Variants in DVL1 observed in about 807,000 individuals in gnomAD.
The protein encoded by DVL1 is segment polarity protein dishevelled homolog DVL-1.
Under a neutral mutation model 65.0 loss-of-function variants are expected in DVL1, and 49 were observed. That is an observed-to-expected ratio of 0.75 (90% CI 0.60 to 0.96). The LOEUF (loss-of-function observed/expected upper bound fraction) is 0.96, where lower values mean the gene tolerates loss of function less well. Among genes scored for constraint, DVL1 ranks in the 40% least tolerant of loss-of-function variants. The pLI, the probability that DVL1 is intolerant of heterozygous loss-of-function variation, is 0.00. For missense variants in DVL1, 1,197 were observed against 1,045.4 expected (o/e 1.15, Z -2.00); for synonymous variants, 608 against 433.9 (o/e 1.40, Z -4.99).
In DVL1 at chr1:1,336,499, C is replaced by T; in HGVS notation, c.1731G>A (p.Gly577=). Reference sequence around the variant, plus strand: ...GGGCCCGGCGGCTGCTCCGGGTGGACCCACTGCTTTTGCTCCCTGGGAGTG... The same window carrying T: ...GGGCCCGGCGGCTGCTCCGGGTGGATCCACTGCTTTTGCTCCCTGGGAGTG... The part of the protein sequence containing the change: ...SQQSEGSKSS[G]STRSSRRAPG... Residue 577 remains glycine, a synonymous_variant, in exon 15 of 15, where the codon GGG becomes GGA. Coordinates refer to ENST00000378888, the MANE Select transcript of DVL1 (RefSeq NM_001330311.2). 1 of 1,523,788 alleles carries T rather than the reference C, an allele frequency of 6.6e-7. No individual in the cohort carries two copies. Among genetic ancestry groups the T allele is most frequent in the South Asian group, 1.3e-5 (1 of 79,076 alleles). The allele number at this position is 1,523,788 out of a possible 1,614,324, so 94.4% of individuals were successfully genotyped here.
chr1:1,336,938 G>A, intron 14 of DVL1: 1 of 933,292 alleles, frequency 1.1e-6, no homozygotes, highest in Non-Finnish European at 1.3e-6. Flanking sequence ...CCTGTCCTGG[G>A]CTCCCAAGAC....
Position 1,340,083 on chromosome 1 carries a change from A to G in DVL1, c.864T>C (p.Ala288=). ...GCTCGATGCGGCCGTCAGCGGCCAC[A>G]GCCCCGCCCTTCATGATGGAGCCAA... ...IYIGSIMKGG[A]VAADGRIEPG... The change falls in exon 8 of 15, where the codon GCT becomes GCC. Residue 288 remains alanine, a synonymous_variant. Coordinates refer to ENST00000378888, the MANE Select transcript of DVL1 (RefSeq NM_001330311.2). The G allele has an allele frequency of 5.6e-6, 9 of 1,613,096 alleles. No homozygotes were observed. Among genetic ancestry groups the G allele is most frequent in the Non-Finnish European group, 7.6e-6 (9 of 1,179,954 alleles).
Position 1,338,305 on chromosome 1 carries a change from C to T in DVL1, c.1471G>A (p.Glu491Lys), listed in dbSNP as rs368887966. ...TCCCCGAAGACGTAGTAGCACTGCT[C>T]GGAGAAGGTGATCTTGTTGACCGTG... ...RHTVNKITFS[E>K]QCYYVFGDLC... Residue 491 changes from glutamate to lysine, a missense_variant, in exon 13 of 15, where the codon GAG (glutamate) becomes AAG (lysine). By Grantham distance (56) the Glu-to-Lys change is moderately conservative (BLOSUM62 1). Coordinates refer to ENST00000378888, the MANE Select transcript of DVL1 (RefSeq NM_001330311.2). 3 of 1,609,806 alleles carry T rather than the reference C, an allele frequency of 1.9e-6. No homozygotes were observed. Among genetic ancestry groups the T allele is most frequent in the South Asian group, 1.1e-5 (1 of 90,932 alleles).
At chr1:1,339,841 G>C (rs1477837338) in intron 8 of DVL1, 29 bp from the exon 9 acceptor site, 1 of 1,566,540 alleles carries the variant, frequency 6.4e-7, no homozygotes, top group East Asian at 2.3e-5. Flanking sequence ...GGGTGGTGCA[G>C]GCAGGATGTG....
At chr1:1,345,244 C>G (rs992401568) in intron 1 of DVL1, among the ~76,000 whole-genome samples, 1 of 152,198 alleles carries the variant, frequency 6.6e-6, no homozygotes, top group Non-Finnish European at 1.5e-5. Context: ...CCTACTCACT[C>G]CGCCCTCTTC....
At position 1,340,137 on chromosome 1, in the gene DVL1, G is replaced by T; in HGVS notation, c.810C>A (p.Ser270Arg). ...AGATGCCGCCGTCTCCACGGTCGTT[G>T]CTCTGCCCCACGATGCTGATGCCCA... ...HFLGISIVGQ[S>R]NDRGDGGIYI... The change falls in exon 8 of 15, where the codon AGC becomes AGA. Residue 270 changes from serine (S) to arginine (R), a missense_variant. Physicochemically the swap from Ser to Arg is moderately radical, Grantham distance 110 (BLOSUM62 -1). Coordinates refer to ENST00000378888, the MANE Select transcript of DVL1 (RefSeq NM_001330311.2). The T allele has an allele frequency of 6.2e-7, 1 of 1,613,624 alleles. No homozygotes were observed.
In DVL1 at chr1:1,335,790, C is replaced by T; in HGVS notation, c.*352G>A. ...GGGCCTGTGCACCGCAGGGGGTTGC[C>T]CCGCATGGACCACCCTGGGGGCCTG... On this transcript the variant is annotated 3_prime_UTR_variant, in exon 15 of 15. Transcript: ENST00000378888. 1 of 319,624 alleles carries T rather than the reference C, an allele frequency of 3.1e-6. No individual in the cohort carries two copies. Among genetic ancestry groups the T allele is most frequent in the Non-Finnish European group, 5.8e-6 (1 of 171,008 alleles). The allele number at this position is 319,624 out of a possible 1,614,324, so 19.8% of individuals were successfully genotyped here. A position where few individuals can be genotyped will look rare whatever the true frequency, so the allele number is the denominator to read the frequency against.
In DVL1 at chr1:1,336,226, G is replaced by A. The variant is rs531416128; in HGVS notation, c.2004C>T (p.Ala668=). The change falls in exon 15 of 15, where the codon GCC becomes GCT. Residue 668 remains alanine, a synonymous_variant. Coordinates refer to ENST00000378888, the MANE Select transcript of DVL1 (RefSeq NM_001330311.2). ...PGGPPVRELA[A]VPPELTGSRQ... ...GGCTGCCTGTCAATTCCGGGGGGAC[G>A]GCAGCCAGCTCCCGGACAGGGGGTC... 249 of 1,557,890 alleles carry A rather than the reference G, an allele frequency of 1.6e-4. No homozygotes were observed. Among genetic ancestry groups the A allele is most frequent in the Middle Eastern group, 3.3e-4 (2 of 6,030 alleles).
intron 5 of DVL1, among the ~76,000 whole-genome samples, 178 bp from the exon 6 acceptor site, chr1:1,340,681 G>A (rs1168659297): frequency 6.6e-6 from 1 of 152,084 alleles, no homozygotes; most frequent in African/African-American, 2.4e-5. Flanking sequence ...GAGCACACAC[G>A]AAAATCCCAG....
intron 1 of DVL1, among the ~76,000 whole-genome samples, chr1:1,343,810 C>T (rs1217256344): frequency 6.6e-6 from 1 of 152,204 alleles, no homozygotes; most frequent in African/African-American, 2.4e-5. Flanking sequence ...ACAAAGACCT[C>T]CACTCACCAA....
In DVL1 at chr1:1,336,172, G is replaced by A. The variant is rs1643563849; in HGVS notation, c.2058C>T (p.Asn686=). 1.3e-6 allele frequency: 2 copies of A among 1,574,216 alleles called. No individual in the cohort carries two copies. The highest frequency in any genetic ancestry group is 1.7e-6 in the Non-Finnish European group (2 of 1,166,036). The change falls in exon 15 of 15, where the codon AAC becomes AAT. Residue 686 remains asparagine, a synonymous_variant. Transcript: ENST00000378888. ...TGATGTCCACGAAGAACTCGCAGGG[G>A]TTCCCCATAGCCTTCTGGAAGGACT... ...SRQSFQKAMG[N]PCEFFVDIM
chr1:1,347,298 G>C (rs978655809), intron 1 of DVL1, among the ~76,000 whole-genome samples: 1 of 152,058 alleles, frequency 6.6e-6, no homozygotes, highest in Non-Finnish European at 1.5e-5. Context: ...TTTCCTGGCC[G>C]CATCCCCAAG....
At chr1:1,340,640 GC>G in intron 5 of DVL1, 137 bp from the exon 6 acceptor site, 1 of 874,980 alleles carries the variant, frequency 1.1e-6, no homozygotes, top group Non-Finnish European at 1.8e-6. Flanking sequence ...TGACGTCCAC[GC>G]CCCAGGCCCT....
At chr1:1,336,647 A>C in intron 14 of DVL1, 132 bp from the exon 15 acceptor site, 3 of 1,235,326 alleles carry the variant, frequency 2.4e-6, no homozygotes, top group Non-Finnish European at 3.2e-6. Flanking sequence ...GCAGCCATGC[A>C]GGCGCGAGGA....
In DVL1 at chr1:1,349,111, G is replaced by A. The variant is rs1489744485; in HGVS notation, c.-46C>T. On this transcript the variant is annotated 5_prime_UTR_variant, in exon 1 of 15. Coordinates refer to ENST00000378888, the MANE Select transcript of DVL1 (RefSeq NM_001330311.2). The surrounding 1 kb of genome is among the most constrained non-coding windows in gnomAD (Gnocchi z 4.1). ...CCCGCGCGCTCAGGGCCCGGCCCGG[G>A]GCTCGGACGCGGGGCGCTACCCGCC... 2 of 1,119,932 alleles carry A rather than the reference G, an allele frequency of 1.8e-6. No homozygotes were observed. Among genetic ancestry groups the A allele is most frequent in the Non-Finnish European group, 2.2e-6 (2 of 906,224 alleles). The allele number at this position is 1,119,932 out of a possible 1,614,324, so 69.4% of individuals were successfully genotyped here. A position where few individuals can be genotyped will look rare whatever the true frequency, so the allele number is the denominator to read the frequency against.
chr1:1,335,775 AC>A lies in DVL1; in HGVS notation c.*366del. On this transcript the variant is annotated 3_prime_UTR_variant, in exon 15 of 15. Transcript: ENST00000378888. ...CCTACTCCAGACAGGGGGCCTGTGC[AC>A]CGCAGGGGGTTGCCCCGCATGGACC... 3.9e-6 allele frequency: 1 copy of A among 256,014 alleles called. No homozygotes were observed. Among genetic ancestry groups the A allele is most frequent in the Admixed American group, 5.0e-5 (1 of 19,936 alleles). The allele number at this position is 256,014 out of a possible 1,614,324, so 15.9% of individuals were successfully genotyped here. A position where few individuals can be genotyped will look rare whatever the true frequency, so the allele number is the denominator to read the frequency against.
chr1:1,338,451 C>CG lies in DVL1; in HGVS notation c.1340-16dup. 6.2e-7 allele frequency: 1 copy of CG among 1,608,540 alleles called. No individual in the cohort carries two copies. The highest frequency in any genetic ancestry group is 8.5e-7 in the Non-Finnish European group (1 of 1,176,930). ...CACGTCCGCCCCTGGCCGGCACCAG[C>CG]GGTCAGCCCGCAGCCTCGAGGCAAG... On this transcript the variant is annotated splice_polypyrimidine_tract_variant and intron_variant, in intron 12 of 14. Transcript: ENST00000378888.
chr1:1,339,331 C>T lies in DVL1; in HGVS notation c.1163G>A (p.Arg388His), dbSNP rs376762325. 19 of 1,548,500 alleles carry T rather than the reference C, an allele frequency of 1.2e-5. No individual in the cohort carries two copies. Among genetic ancestry groups the T allele is most frequent in the East Asian group, 2.4e-5 (1 of 40,932 alleles). The change falls in exon 11 of 15, where the codon CGC (arginine) becomes CAC (histidine). Residue 388 changes from arginine to histidine, a missense_variant. Arg to His is a conservative substitution (Grantham distance 29). Transcript: ENST00000378888. ...GCTGGTTAGTGAGGAGGAGCTGGTG[C>T]GCGTGACGGCGCTGGAGCAGGGACT... is the stretch of plus-strand genomic sequence containing the variant. ...GTSPCSSAVTRTSSSSLTSSV... is the reference protein window; with the variant it reads ...GTSPCSSAVTHTSSSSLTSSV...
At chr1:1,340,734 ACTG>A (rs1643772788) in intron 5 of DVL1, among the ~76,000 whole-genome samples, 1 of 151,434 alleles carries the variant, frequency 6.6e-6, no homozygotes, top group Non-Finnish European at 1.5e-5. Context: ...CAGATCCACT[ACTG>A]ACACACCTGC....
Sources: gnomAD v4.1 joint callset for allele counts (sites outside exome capture counted in the v4.1 genomes callset) on GRCh38, gnomAD v4.1.1 for gene constraint, Gnocchi (gnomAD v3.1) non-coding constraint, MANE v1.5 for transcripts, NCBI Gene and HGNC (gene_info 2026-07-23, HGNC 2026-07-21) for gene names.